Variants in DPY19L1 observed in about 807,000 individuals in gnomAD.
DPY19L1 encodes the protein dpy-19 like C-mannosyltransferase 1.
Under a neutral mutation model 96.9 loss-of-function variants are expected in DPY19L1, and 35 were observed. The observed-to-expected ratio is 0.36, with a 90% CI of 0.28 to 0.48. The LOEUF is 0.48. Among genes scored for constraint, DPY19L1 ranks in the 20% least tolerant of loss-of-function variants. The pLI, the probability that DPY19L1 is intolerant of heterozygous loss-of-function variation, is 0.99. For synonymous variants in DPY19L1, 205 were observed against 252.6 expected (o/e 0.81, Z 1.79); for missense variants, 521 against 777.9 (o/e 0.67, Z 3.93).
chr7:34,988,749 T>G (rs1785102386), intron 7 of DPY19L1, among the ~76,000 whole-genome samples: 1 of 152,172 alleles, frequency 6.6e-6, no homozygotes, highest in Admixed American at 6.6e-5. Context: ...CATACAAAAT[T>G]TATCATGAAA....
At position 35,002,125 on chromosome 7, in the gene DPY19L1, C is replaced by CAA. The variant is rs548044939; in HGVS notation, c.764+8341_764+8342dup. ...CTGGTAACAGAGCGAGACTCCAGCT[C>CAA]AAAAAAAAAAAAAAAAACAAAACAA... On this transcript the variant is annotated intron_variant, in intron 6 of 21. Transcript: ENST00000638088. Among the ~76,000 whole-genome samples, 291 of 46,932 alleles carry CAA rather than the reference C, an allele frequency of 6.2e-3. 2 individuals carry two copies. The highest frequency in any genetic ancestry group is 0.011 in the Admixed American group (49 of 4,490). The allele number at this position is 46,932 out of a possible 152,430, so 30.8% of individuals were successfully genotyped here.
chr7:34,941,910 T>C (rs1475662193), intron 17 of DPY19L1, 26 bp from the exon 18 acceptor site: 7 of 1,562,690 alleles, frequency 4.5e-6, no homozygotes, highest in Non-Finnish European at 6.0e-6. Context: ...AAATGTTTTT[T>C]ACTCCTACTG....
intron 11 of DPY19L1, 37 bp from the exon 12 acceptor site, chr7:34,955,404 T>C: frequency 6.3e-7 from 1 of 1,595,108 alleles, no homozygotes; most frequent in Non-Finnish European, 8.5e-7. Flanking sequence ...ACACAGTTAA[T>C]ACTTATAGAC....
intron 15 of DPY19L1, among the ~76,000 whole-genome samples, 184 bp from the exon 16 acceptor site, chr7:34,945,900 A>G (rs113899946): frequency 1.4e-4 from 21 of 152,362 alleles, no homozygotes; most frequent in African/African-American, 5.0e-4. Flanking sequence ...GCTAATATTC[A>G]ACAACCCTGT....
intron 16 of DPY19L1, 35 bp from the exon 17 acceptor site, chr7:34,942,674 T>C: frequency 7.7e-6 from 12 of 1,565,000 alleles, no homozygotes; most frequent in Non-Finnish European, 9.5e-6. Context: ...CATCAATTCA[T>C]TATTGAAGCA....
Position 34,955,311 on chromosome 7 carries a change from T to A in DPY19L1, c.1236A>T (p.Leu412Phe). ...FLKINVSELS[L>F]WVIQGCFWLF... ...ATTAAAATAGATTGATTCTCACCCA[T>A]AAACTAAGTTCAGATACATTTATTT... is the stretch of plus-strand genomic sequence containing the variant. Residue 412 changes from leucine (L) to phenylalanine (F), a missense_variant, in exon 12 of 22, where the codon TTA (leucine) becomes TTT (phenylalanine). Transcript: ENST00000638088. The A allele has an allele frequency of 1.9e-6, 3 of 1,600,370 alleles. No homozygotes were observed. The highest frequency in any genetic ancestry group is 2.6e-6 in the Non-Finnish European group (3 of 1,170,520).
rs1448043027 is a variant in DPY19L1 at position 34,947,631 on chromosome 7, T to G, written c.1493A>C (p.Lys498Thr). 1 of 1,610,862 alleles carries G rather than the reference T, an allele frequency of 6.2e-7. No homozygotes were observed. Among genetic ancestry groups the G allele is most frequent in the South Asian group, 1.1e-5 (1 of 90,410 alleles). Residue 498 changes from lysine to threonine, a missense_variant and splice_region_variant, in exon 15 of 22, where the codon AAG (lysine) becomes ACG (threonine). Transcript: ENST00000638088. ...VLVVFVAIVR[K>T]IISDMWGVLA... ...AGAGCTCTTAAGTGATAGACATACC[T>G]TTCTAACAATAGCAACAAACACTAC...
chr7:35,007,827 G>A (rs1018965551), intron 6 of DPY19L1, among the ~76,000 whole-genome samples: 1 of 151,886 alleles, frequency 6.6e-6, no homozygotes, highest in Non-Finnish European at 1.5e-5. Context: ...TGGGGACTGG[G>A]GAAAGTCAAG....
intron 7 of DPY19L1, chr7:34,987,923 C>G (rs1355675857): frequency 6.6e-6 from 1 of 151,936 alleles, no homozygotes; most frequent in African/African-American, 2.4e-5. Flanking sequence ...ATCTACTTGA[C>G]TATTTCAGTA....
At chr7:34,961,253 A>G (rs1251599529) in intron 10 of DPY19L1, among the ~76,000 whole-genome samples, 5 of 152,314 alleles carry the variant, frequency 3.3e-5, no homozygotes, top group Admixed American at 1.3e-4. Flanking sequence ...GACTTGCTAT[A>G]AAGTTACTGT....
Position 34,941,767 on chromosome 7 carries a change from G to A in DPY19L1, c.1687C>T (p.Gln563Ter), listed in dbSNP as rs1784021579. ...CVMASLICSR[Q>*]LFGWLFCKVH... is the part of the protein sequence containing the mutation. ...TATACTCCAACATAACATGTTACCT[G>A]TCTTGAGCAGATCAGTGATGCCATA... Residue 563 changes from glutamine to a stop codon, truncating the protein, a stop_gained and splice_region_variant, in exon 18 of 22, where the codon CAG becomes TAG. Transcript: ENST00000638088. LOFTEE classifies it high-confidence loss of function. 1 of 1,599,132 alleles carries A rather than the reference G, an allele frequency of 6.3e-7. No homozygotes were observed.
At chr7:34,944,814 G>A (rs1240220235) in intron 16 of DPY19L1, among the ~76,000 whole-genome samples, 1 of 152,106 alleles carries the variant, frequency 6.6e-6, no homozygotes, top group African/African-American at 2.4e-5. Context: ...GAACCTGCAG[G>A]GCTAAAGGAC....
In DPY19L1 at chr7:34,938,114, C is replaced by T; in HGVS notation, c.1970G>A (p.Arg657Lys). ...PHYEDAGLRA[R>K]TKIVYSMYSR... ...ATACATTGAGTATACTATTTTTGTT[C>T]TGGCTCTTTAAAGAAAAATAATTGG... The change falls in exon 21 of 22, where the codon AGA (arginine) becomes AAA (lysine). Residue 657 changes from arginine (R) to lysine (K), a missense_variant. Arg to Lys is a conservative substitution (Grantham distance 26, BLOSUM62 2). Coordinates refer to ENST00000638088, the MANE Select transcript of DPY19L1 (RefSeq NM_001366673.1). 6.2e-7 allele frequency: 1 copy of T among 1,611,832 alleles called. No homozygotes were observed. The highest frequency in any genetic ancestry group is 8.5e-7 in the Non-Finnish European group (1 of 1,179,422).
At chr7:34,956,830 T>C (rs1203136170) in intron 11 of DPY19L1, among the ~76,000 whole-genome samples, 4 of 152,118 alleles carry the variant, frequency 2.6e-5, no homozygotes, top group Non-Finnish European at 5.9e-5. Flanking sequence ...ATAAATATCA[T>C]TTGTAAAATA....
intron 6 of DPY19L1, among the ~76,000 whole-genome samples, chr7:35,003,615 C>T (rs150785849): frequency 0.029 from 4,434 of 152,304 alleles, 107 homozygotes; most frequent in Non-Finnish European, 0.041. Flanking sequence ...ATATTCAGTA[C>T]CTGGCCACTA....
intron 6 of DPY19L1, among the ~76,000 whole-genome samples, chr7:35,006,812 A>T (rs553505649): frequency 6.6e-6 from 1 of 152,274 alleles, no homozygotes; most frequent in Admixed American, 6.5e-5. Context: ...GGCGAAATGG[A>T]CTGGCTTACC....
intron 1 of DPY19L1, among the ~76,000 whole-genome samples, chr7:35,036,146 T>C (rs1314288253): frequency 2.0e-5 from 3 of 152,218 alleles, no homozygotes; most frequent in Non-Finnish European, 4.4e-5. Context: ...CCTTGACTTA[T>C]ACTGGACCCC....
intron 10 of DPY19L1, among the ~76,000 whole-genome samples, chr7:34,964,998 T>C (rs1482081438): frequency 6.6e-6 from 1 of 152,106 alleles, no homozygotes; most frequent in African/African-American, 2.4e-5. Flanking sequence ...ACCAGATTGA[T>C]AAAATAAAAA....
chr7:34,931,755 A>T (rs755419244), intron 21 of DPY19L1, 26 bp from the exon 22 acceptor site: 35 of 1,575,172 alleles, frequency 2.2e-5, no homozygotes, highest in Non-Finnish European at 2.8e-5. Context: ...TACATGTTAA[A>T]AATCAATATG....
Sources: gnomAD v4.1 joint callset for allele counts (sites outside exome capture counted in the v4.1 genomes callset) on GRCh38, gnomAD v4.1.1 for gene constraint, MANE v1.5 for transcripts, NCBI Gene and HGNC (gene_info 2026-07-23, HGNC 2026-07-21) for gene names.